ZFR: variants seen among roughly 807,000 people sequenced by gnomAD.
ZFR encodes zinc finger RNA binding protein.
A neutral mutation model predicts 130.7 loss-of-function variants in ZFR; 19 were observed. The observed-to-expected ratio is 0.15, with a 90% CI of 0.10 to 0.21. ZFR has a LOEUF of 0.21. ZFR is among the 10% of genes least tolerant of loss of function. The pLI is 1.00. For missense variants in ZFR, 872 were observed against 1,321.5 expected (o/e 0.66, Z 5.27); for synonymous variants, 466 against 456.9 (o/e 1.02, Z -0.25).
chr5:32,397,285 G>A lies in ZFR; in HGVS notation c.1767C>T (p.Cys589=), dbSNP rs1209396592. 2.5e-6 allele frequency: 4 copies of A among 1,613,162 alleles called. No individual in the cohort carries two copies. Among genetic ancestry groups the A allele is most frequent in the Non-Finnish European group, 3.4e-6 (4 of 1,179,560 alleles). The change falls in exon 10 of 20, where the codon TGC becomes TGT. Residue 589 remains cysteine, a synonymous_variant. Coordinates refer to ENST00000265069, the MANE Select transcript of ZFR (RefSeq NM_016107.5). ...CCTTAGCATTGGGATCATTAAAGCT[G>A]CACTCGCATAATTTACAATGGAACC... ...VIRFHCKLCE[C]SFNDPNAKEM...
rs751222529 is a variant in ZFR, at chr5:32,404,113, A to C, written c.1033-16T>G. On this transcript the variant is annotated splice_polypyrimidine_tract_variant and intron_variant, in intron 6 of 19. Coordinates refer to ENST00000265069, the MANE Select transcript of ZFR (RefSeq NM_016107.5). The stretch of plus-strand genomic sequence containing the variant: ...CTTTATAAGTCTGTTTCAAATAAAA[A>C]GGAAACATTTTGCTTCACTAATTTT... 7.6e-6 allele frequency: 12 copies of C among 1,573,090 alleles called. No individual in the cohort carries two copies. The highest frequency in any genetic ancestry group is 1.0e-5 in the Non-Finnish European group (12 of 1,163,012).
rs186984580 is a variant in ZFR at position 32,430,939 on chromosome 5, T to C, written c.138-10836A>G. Among the ~76,000 whole-genome samples the C allele has an allele frequency of 3.2e-4, 48 of 152,150 alleles. No individual in the cohort carries two copies. The East Asian group carries it at 6.0e-3, about 19-fold the overall frequency. ...AAAAAATACAAAAATTAGCCAGGCATGGTGGCGTGCCTGTAATCCTAGCTA... is the reference window on the plus strand; with the variant it reads ...AAAAAATACAAAAATTAGCCAGGCACGGTGGCGTGCCTGTAATCCTAGCTA... On this transcript the variant is annotated intron_variant, in intron 2 of 19. Transcript: ENST00000265069.
At chr5:32,443,839 A>G (rs1024418647) in intron 2 of ZFR, among the ~76,000 whole-genome samples, 11 of 152,164 alleles carry the variant, frequency 7.2e-5, no homozygotes, top group Non-Finnish European at 5.9e-5. Flanking sequence ...CCATCCCCCA[A>G]GTGGGAAGAA....
chr5:32,385,386 C>A, intron 15 of ZFR, 122 bp downstream of exon 15: 1 of 1,212,586 alleles, frequency 8.2e-7, no homozygotes, highest in Non-Finnish European at 1.1e-6. Flanking sequence ...CTAAATAAGT[C>A]AAATCTATCA....
intron 2 of ZFR, among the ~76,000 whole-genome samples, chr5:32,431,726 A>C (rs542319042): frequency 6.6e-6 from 1 of 152,030 alleles, no homozygotes; most frequent in African/African-American, 2.4e-5. Context: ...TGTATCTACG[A>C]AACTACTGAC....
At chr5:32,397,795 G>C (rs1045928067) in intron 9 of ZFR, among the ~76,000 whole-genome samples, 1 of 140,032 alleles carries the variant, frequency 7.1e-6, no homozygotes, top group Non-Finnish European at 1.5e-5. Flanking sequence ...AAATGGGAAT[G>C]AAAAGTTGGA....
intron 16 of ZFR, 98 bp downstream of exon 16, chr5:32,379,977 T>C: frequency 1.1e-6 from 1 of 933,982 alleles, no homozygotes; most frequent in Non-Finnish European, 1.7e-6. Flanking sequence ...TAGTATTGCT[T>C]GGGCAGTCTT....
At chr5:32,376,878 C>T (rs545806985) in intron 17 of ZFR, among the ~76,000 whole-genome samples, 9 of 150,750 alleles carry the variant, frequency 6.0e-5, no homozygotes, top group Admixed American at 6.6e-5. Flanking sequence ...ACTTGGAAAA[C>T]GGAGGCAGGA....
intron 10 of ZFR, 47 bp downstream of exon 10, chr5:32,397,172 T>C: frequency 1.3e-6 from 2 of 1,556,544 alleles, no homozygotes; most frequent in Non-Finnish European, 1.7e-6. Flanking sequence ...GGTGTTTTTG[T>C]TTTTGTTTTT....
chr5:32,403,146 C>G lies in ZFR; in HGVS notation c.1476G>C (p.Met492Ile). ...NTKVSAVPTN[M>I]AAKKTSTPKI... ...TGGGGGTAGATGTTTTCTTGGCAGC[C>G]ATATTTGTAGGCACTGCTGATACTT... The change falls in exon 8 of 20, where the codon ATG (methionine) becomes ATC (isoleucine). Residue 492 changes from methionine to isoleucine, a missense_variant. Met to Ile is a conservative substitution (Grantham distance 10). Coordinates refer to ENST00000265069, the MANE Select transcript of ZFR (RefSeq NM_016107.5). The G allele has an allele frequency of 6.2e-7, 1 of 1,614,044 alleles. No homozygotes were observed. The highest frequency in any genetic ancestry group is 8.5e-7 in the Non-Finnish European group (1 of 1,179,994).
chr5:32,433,477 T>C (rs1754265564), intron 2 of ZFR, among the ~76,000 whole-genome samples: 1 of 152,198 alleles, frequency 6.6e-6, no homozygotes, highest in African/African-American at 2.4e-5. Context: ...ATTTGAAATA[T>C]ATCTCTAACA....
intron 17 of ZFR, among the ~76,000 whole-genome samples, chr5:32,368,065 A>G (rs1253343713): frequency 6.6e-6 from 1 of 152,138 alleles, no homozygotes; most frequent in African/African-American, 2.4e-5. Flanking sequence ...GAGAGAAAAC[A>G]TTAACTAGTT....
At chr5:32,366,915 T>C (rs111612425) in intron 17 of ZFR, among the ~76,000 whole-genome samples, 1,771 of 151,014 alleles carry the variant, frequency 0.012, 34 homozygotes, top group African/African-American at 0.042. Flanking sequence ...AGGCCCTCGC[T>C]ATGTTGCCAG....
intron 19 of ZFR, among the ~76,000 whole-genome samples, chr5:32,357,890 CATTA>C (rs1312768651): frequency 6.6e-6 from 1 of 152,184 alleles, no homozygotes; most frequent in Non-Finnish European, 1.5e-5. Context: ...GTCTGTCATA[CATTA>C]ATTCCCTTAT....
At chr5:32,444,466 G>A (rs1465624885) in intron 1 of ZFR, 138 bp from the exon 2 acceptor site, 24 of 1,277,910 alleles carry the variant, frequency 1.9e-5, no homozygotes, top group Non-Finnish European at 2.1e-6. Flanking sequence ...CGGCCGCGCC[G>A]CCTCCCCCTC....
intron 2 of ZFR, among the ~76,000 whole-genome samples, chr5:32,439,900 T>C (rs1289123059): frequency 2.6e-5 from 4 of 151,522 alleles, no homozygotes; most frequent in Non-Finnish European, 4.4e-5. Flanking sequence ...TTATTACATA[T>C]GCTTTTATAA....
intron 6 of ZFR, among the ~76,000 whole-genome samples, chr5:32,404,960 G>A (rs563482235): frequency 4.2e-4 from 64 of 152,102 alleles, no homozygotes; most frequent in Non-Finnish European, 7.5e-4. Context: ...GGGACCACAG[G>A]TGCCTGCCAC....
At chr5:32,381,776 C>T (rs1752941668) in intron 15 of ZFR, among the ~76,000 whole-genome samples, 1 of 152,076 alleles carries the variant, frequency 6.6e-6, no homozygotes, top group African/African-American at 2.4e-5. Flanking sequence ...TCAGAAGACA[C>T]ATTTAGAGGA....
chr5:32,398,845 C>T (rs1753377173), intron 9 of ZFR, among the ~76,000 whole-genome samples: 1 of 151,888 alleles, frequency 6.6e-6, no homozygotes, highest in African/African-American at 2.4e-5. Flanking sequence ...AACTACTGGC[C>T]TTGAACTTCT....
Sources: gnomAD v4.1 joint callset for allele counts (sites outside exome capture counted in the v4.1 genomes callset) on GRCh38, gnomAD v4.1.1 for gene constraint, MANE v1.5 for transcripts, NCBI Gene and HGNC (gene_info 2026-07-23, HGNC 2026-07-21) for gene names.